The following NAV1 variants were observed in gnomAD, a reference collection of about 807,000 sequenced individuals.
NAV1 encodes the protein neuron navigator 1, also known as pore membrane and/or filament interacting like protein 3.
NAV1 carries 18 observed loss-of-function variants against 175.2 expected under a neutral mutation model. The observed-to-expected ratio is 0.10, with a 90% CI of 0.07 to 0.15. The LOEUF is 0.15. NAV1 is among the 10% of genes least tolerant of loss of function. The pLI is 1.00. For synonymous variants in NAV1, 897 were observed against 978.7 expected (o/e 0.92, Z 1.56); for missense variants, 1,731 against 2,436.6 (o/e 0.71, Z 6.10).
At chr1:201,697,967 ACATTGAATACCTTGCCCAAGGTCACAGGG>A (rs936092369) in intron 1 of NAV1, among the ~76,000 whole-genome samples, 1 of 152,164 alleles carries the variant, frequency 6.6e-6, no homozygotes, top group Non-Finnish European at 1.5e-5. Context: ...TGAGGCCCAG[ACATTGAATACCTTGCCCAAGGTCACAGGG>A]CATTGAATAC....
chr1:201,602,781 C>G (rs1267004137), intron 2 of NAV1, among the ~76,000 whole-genome samples: 4 of 151,520 alleles, frequency 2.6e-5, no homozygotes, highest in Admixed American at 2.6e-4. Context: ...GGGGACAGGG[C>G]TGGAAACCAG....
chr1:201,583,107 G>A (rs1327796338), intron 1 of NAV1, among the ~76,000 whole-genome samples: 2 of 152,060 alleles, frequency 1.3e-5, no homozygotes, highest in African/African-American at 2.4e-5. Context: ...AGGTGTCTGA[G>A]TGGGGCCAAC....
intron 3 of NAV1, among the ~76,000 whole-genome samples, chr1:201,775,144 G>A (rs578191345): frequency 1.3e-5 from 2 of 152,142 alleles, no homozygotes; most frequent in African/African-American, 4.8e-5. Context: ...GCTCCCAAAG[G>A]GGGAGCCCTT....
At chr1:201,626,458 T>C (rs1335216013) in intron 1 of NAV1, among the ~76,000 whole-genome samples, 4 of 152,194 alleles carry the variant, frequency 2.6e-5, no homozygotes, top group African/African-American at 9.7e-5. Flanking sequence ...CCCTCTCTTT[T>C]CAAGGGCCTT....
At position 201,787,443 on chromosome 1, in the gene NAV1, C is replaced by T. The variant is rs1676832701; in HGVS notation, c.2995+866C>T. Among the ~76,000 whole-genome samples, 1 of 152,144 alleles carries T rather than the reference C, an allele frequency of 6.6e-6. No homozygotes were observed. Among genetic ancestry groups the T allele is most frequent in the South Asian group, 2.1e-4 (1 of 4,826 alleles). On this transcript the variant is annotated intron_variant, in intron 9 of 29. Transcript: ENST00000367296. This position sits in a 1 kb window ranked among gnomAD's most constrained non-coding sequence, Gnocchi z 4.3. ...AAGACTAGGAATTGGGATCACTTGGCCTAGGGAAAAGAACCATTGTTCAGA... is the reference window on the plus strand; with the variant it reads ...AAGACTAGGAATTGGGATCACTTGGTCTAGGGAAAAGAACCATTGTTCAGA...
intron 1 of NAV1, among the ~76,000 whole-genome samples, chr1:201,579,265 A>G (rs1666778305): frequency 6.6e-6 from 1 of 152,114 alleles, no homozygotes; most frequent in Non-Finnish European, 1.5e-5. Flanking sequence ...CTTCAGCTCC[A>G]AGTCTGGAAT....
At chr1:201,625,538 G>T (rs534279946) in intron 1 of NAV1, among the ~76,000 whole-genome samples, 6 of 152,330 alleles carry the variant, frequency 3.9e-5, no homozygotes, top group African/African-American at 1.4e-4. Flanking sequence ...AAAGTGCACT[G>T]ATGCTTCTTT....
intron 3 of NAV1, among the ~76,000 whole-genome samples, chr1:201,731,272 G>T (rs1672849174): frequency 6.6e-6 from 1 of 152,106 alleles, no homozygotes; most frequent in South Asian, 2.1e-4. Context: ...CCAAACGTGT[G>T]TGAGAGGTGG....
At chr1:201,796,413 C>T (rs895011768) in intron 15 of NAV1, 1 of 152,212 alleles carries the variant, frequency 6.6e-6, no homozygotes, top group Non-Finnish European at 1.5e-5. Context: ...ACCTCCGCCT[C>T]CCAGGTTCAA....
chr1:201,574,180 C>A (rs773708084), intron 1 of NAV1, among the ~76,000 whole-genome samples: 1 of 152,152 alleles, frequency 6.6e-6, no homozygotes, highest in Non-Finnish European at 1.5e-5. Flanking sequence ...GAAGTGACCT[C>A]AGCCTCAGGA....
chr1:201,671,242 C>CA (rs1670034118), intron 1 of NAV1, among the ~76,000 whole-genome samples: 1 of 152,128 alleles, frequency 6.6e-6, no homozygotes, highest in Non-Finnish European at 1.5e-5. Flanking sequence ...AGGATATAAC[C>CA]AAGTGCTAAA....
At chr1:201,768,641 TAAAAAAA>T (rs71281169) in intron 3 of NAV1, among the ~76,000 whole-genome samples, 1,159 of 114,178 alleles carry the variant, frequency 0.01, 14 homozygotes, top group African/African-American at 0.036. Flanking sequence ...TTGTCTCAAT[TAAAAAAA>T]AAAAAAAAAA....
intron 1 of NAV1, among the ~76,000 whole-genome samples, chr1:201,576,998 T>C (rs1666709662): frequency 6.6e-6 from 1 of 152,234 alleles, no homozygotes. Flanking sequence ...AGTTTTGTTT[T>C]GTTTTGTTTT....
intron 2 of NAV1, among the ~76,000 whole-genome samples, chr1:201,610,629 G>A (rs1667817977): frequency 6.6e-6 from 1 of 152,220 alleles, no homozygotes; most frequent in African/African-American, 2.4e-5. Context: ...GCCCTGTCTG[G>A]GGAAGAGCAT....
chr1:201,823,997 T>C (rs1318202839), exon 30 of NAV1: 1 of 152,198 alleles, frequency 6.6e-6, no homozygotes, highest in Non-Finnish European at 1.5e-5. Context: ...TTTGCCTGAC[T>C]GAAGGGGACT....
At chr1:201,806,384 A>C (rs1316941477) in intron 17 of NAV1, among the ~76,000 whole-genome samples, 1 of 152,200 alleles carries the variant, frequency 6.6e-6, no homozygotes, top group Non-Finnish European at 1.5e-5. Context: ...CCCTAAACTC[A>C]TTTAACCATG....
Position 201,740,560 on chromosome 1 carries a change from G to A in NAV1, c.1226+21805G>A, listed in dbSNP as rs1469957753. ...TCACCCTAGTTCCGGAAGCTCCGGG[G>A]GTCGTCCTGGGGTGAAAGGAGGTGG... On this transcript the variant is annotated intron_variant, in intron 3 of 29. Coordinates refer to ENST00000367296, the Ensembl canonical transcript of NAV1. The surrounding 1 kb of genome is among the most constrained non-coding windows in gnomAD (Gnocchi z 4.7). Among the ~76,000 whole-genome samples, 1 of 152,158 alleles carries A rather than the reference G, an allele frequency of 6.6e-6. No homozygotes were observed. Among genetic ancestry groups the A allele is most frequent in the East Asian group, 1.9e-4 (1 of 5,180 alleles).
At chr1:201,741,518 T>C (rs921360700) in intron 3 of NAV1, among the ~76,000 whole-genome samples, 1 of 151,910 alleles carries the variant, frequency 6.6e-6, no homozygotes, top group African/African-American at 2.4e-5. Flanking sequence ...GGGAAGGAAC[T>C]GTTCATAACC....
Position 201,740,389 on chromosome 1 carries a change from G to C in NAV1, c.1226+21634G>C, listed in dbSNP as rs1491002721. Among the ~76,000 whole-genome samples, 3 of 152,236 alleles carry C rather than the reference G, an allele frequency of 2.0e-5. No individual in the cohort carries two copies. The highest frequency in any genetic ancestry group is 4.8e-5 in the African/African-American group (2 of 41,462). On this transcript the variant is annotated intron_variant, in intron 3 of 29. Transcript: ENST00000367296. This position sits in a 1 kb window ranked among gnomAD's most constrained non-coding sequence, Gnocchi z 4.7. ...GCTTAGGCGCCCAGGAGACCTGGAC[G>C]GAGCTGAGACAATAGCGCAACTTGA...
Sources: gnomAD v4.1 joint callset for allele counts (sites outside exome capture counted in the v4.1 genomes callset) on GRCh38, gnomAD v4.1.1 for gene constraint, Gnocchi (gnomAD v3.1) non-coding constraint, MANE v1.5 for transcripts, NCBI Gene and HGNC (gene_info 2026-07-23, HGNC 2026-07-21) for gene names.